Variants in DNM3 observed in about 807,000 individuals in gnomAD.
DNM3 encodes dynamin 3.
DNM3 carries 47 observed loss-of-function variants against 101.6 expected under a neutral mutation model. That is an observed-to-expected ratio of 0.46 (90% CI 0.37 to 0.59). The LOEUF (loss-of-function observed/expected upper bound fraction) is 0.59, where lower values mean the gene tolerates loss of function less well. DNM3 is among the 20% of genes least tolerant of loss of function. The probability of loss-of-function intolerance (pLI) is 0.00; values close to 1 mark genes in which losing one functional copy is unlikely to be tolerated. For synonymous variants in DNM3, 385 were observed against 387.9 expected (o/e 0.99, Z 0.09); for missense variants, 849 against 1,085.7 (o/e 0.78, Z 3.06).
At chr1:172,292,871 GA>G (rs896462453) in intron 15 of DNM3, among the ~76,000 whole-genome samples, 1 of 151,968 alleles carries the variant, frequency 6.6e-6, no homozygotes, top group Admixed American at 6.5e-5. Flanking sequence ...ATTAACATAT[GA>G]AAAAAAGTTT....
At position 171,970,170 on chromosome 1, in the gene DNM3, C is replaced by T. The variant is rs557495166; in HGVS notation, c.236-17486C>T. On this transcript the variant is annotated intron_variant, in intron 2 of 20. Coordinates refer to ENST00000627582, the MANE Select transcript of DNM3 (RefSeq NM_015569.5). ...TTTATCGATGGAATACTTTGAAGCACGAAAAATCATTATATCTTGAAATAA... is the reference window on the plus strand; with the variant it reads ...TTTATCGATGGAATACTTTGAAGCATGAAAAATCATTATATCTTGAAATAA... 3.3e-5 allele frequency: 20 copies of T among 601,328 alleles called. No homozygotes were observed. In the Admixed American group the frequency reaches 7.0e-4, roughly 21 times the overall value. 37.2% of individuals were successfully genotyped at this position (601,328 alleles called of 1,614,324 possible). A position where few individuals can be genotyped will look rare whatever the true frequency, so the allele number is the denominator to read the frequency against.
At chr1:172,279,560 C>T (rs781646501) in intron 15 of DNM3, among the ~76,000 whole-genome samples, 3 of 152,094 alleles carry the variant, frequency 2.0e-5, no homozygotes, top group Non-Finnish European at 4.4e-5. Flanking sequence ...CTCTTCTGGG[C>T]TTCAAATCTA....
intron 14 of DNM3, among the ~76,000 whole-genome samples, chr1:172,164,834 G>C (rs1321438432): frequency 2.1e-4 from 32 of 152,000 alleles, no homozygotes. Flanking sequence ...GGTTTTAAAG[G>C]ACCCTTTTTC....
intron 13 of DNM3, among the ~76,000 whole-genome samples, chr1:172,122,328 C>A (rs192226541): frequency 6.6e-6 from 1 of 152,068 alleles, no homozygotes; most frequent in Non-Finnish European, 1.5e-5. Context: ...AATCTAAATC[C>A]TTTACATATA....
intron 13 of DNM3, among the ~76,000 whole-genome samples, chr1:172,111,774 T>C (rs2055499130): frequency 6.6e-6 from 1 of 152,160 alleles, no homozygotes; most frequent in Non-Finnish European, 1.5e-5. Context: ...CCAGAGCTTC[T>C]TTATTTGTTA....
intron 4 of DNM3, among the ~76,000 whole-genome samples, chr1:172,030,002 G>T (rs12027260): frequency 1.3e-5 from 2 of 151,922 alleles, no homozygotes; most frequent in African/African-American, 2.4e-5. Flanking sequence ...TATAGATTCA[G>T]TGCTACCTCT....
chr1:172,191,014 A>G lies in DNM3; in HGVS notation c.1659+59726A>G, dbSNP rs550851234. Among the ~76,000 whole-genome samples the G allele has an allele frequency of 2.1e-3, 319 of 152,136 alleles. 1 individual carries two copies. Among genetic ancestry groups the G allele is most frequent in the Non-Finnish European group, 3.5e-3 (240 of 67,992 alleles). On this transcript the variant is annotated intron_variant, in intron 14 of 20. Transcript: ENST00000627582. ...TTCTTTTGCTGTGCAGAAGCTCTTT[A>G]GTTTAATTAGATCCCATTTGTCAAT...
chr1:171,962,157 C>T (rs1369677318), intron 2 of DNM3, among the ~76,000 whole-genome samples: 3 of 152,166 alleles, frequency 2.0e-5, no homozygotes, highest in Non-Finnish European at 4.4e-5. Context: ...ATCCATTAAT[C>T]CAAGAATGTA....
chr1:171,895,454 C>T (rs2037697361), intron 1 of DNM3, among the ~76,000 whole-genome samples: 1 of 152,188 alleles, frequency 6.6e-6, no homozygotes, highest in African/African-American at 2.4e-5. Context: ...AGTGTCTGTT[C>T]ATATCCTTTG....
intron 13 of DNM3, among the ~76,000 whole-genome samples, chr1:172,100,047 A>G (rs534732860): frequency 2.8e-4 from 43 of 152,222 alleles, no homozygotes; most frequent in African/African-American, 1.0e-3. Flanking sequence ...GTATAACTGG[A>G]AAGACTTTTT....
At chr1:172,071,506 G>T (rs947855569) in intron 11 of DNM3, among the ~76,000 whole-genome samples, 7 of 152,114 alleles carry the variant, frequency 4.6e-5, no homozygotes. Flanking sequence ...AAAGTATCCA[G>T]TTAGACAGAG....
At position 171,911,802 on chromosome 1, in the gene DNM3, T is replaced by C. The variant is rs982939070; in HGVS notation, c.162-9946T>C. 1.1e-4 allele frequency among the ~76,000 whole-genome samples: 16 copies of C among 152,186 alleles called. No homozygotes were observed. The South Asian group carries it at 3.3e-3, about 32-fold the overall frequency. On this transcript the variant is annotated intron_variant, in intron 1 of 20. Transcript: ENST00000627582. ...GACCAGAACTGCCCTGGTCAGCGGG[T>C]AAGTGTTCTCTTGCTGTTGCTTCTT...
At chr1:172,377,778 G>C (rs551515086) in intron 17 of DNM3, among the ~76,000 whole-genome samples, 223 of 151,678 alleles carry the variant, frequency 1.5e-3, no homozygotes, top group African/African-American at 3.5e-3. Flanking sequence ...GAAATGAGTT[G>C]AGCATGCATT....
chr1:172,162,542 T>G (rs981436463), intron 14 of DNM3, among the ~76,000 whole-genome samples: 2 of 152,090 alleles, frequency 1.3e-5, no homozygotes, highest in African/African-American at 4.8e-5. Context: ...TATGTATTTC[T>G]CCTGCTTTAA....
intron 14 of DNM3, among the ~76,000 whole-genome samples, chr1:172,191,503 T>C (rs1345376716): frequency 6.6e-6 from 1 of 152,208 alleles, no homozygotes; most frequent in Non-Finnish European, 1.5e-5. Context: ...ATGCGGGCTT[T>C]TTTTTGGTTC....
intron 2 of DNM3, among the ~76,000 whole-genome samples, chr1:171,948,730 C>T (rs1029648022): frequency 2.6e-5 from 4 of 152,080 alleles, no homozygotes; most frequent in Admixed American, 2.6e-4. Flanking sequence ...GGTAATCTGA[C>T]CAAAACACTA....
intron 15 of DNM3, among the ~76,000 whole-genome samples, chr1:172,269,299 C>T (rs1218342088): frequency 6.6e-6 from 1 of 152,182 alleles, no homozygotes; most frequent in African/African-American, 2.4e-5. Flanking sequence ...CCTCTCTCCA[C>T]CTATTTTCCG....
At chr1:172,218,608 A>G (rs2060791204) in intron 14 of DNM3, among the ~76,000 whole-genome samples, 1 of 152,098 alleles carries the variant, frequency 6.6e-6, no homozygotes, top group African/African-American at 2.4e-5. Context: ...TATACAAAAT[A>G]TTACCTTTAT....
intron 15 of DNM3, among the ~76,000 whole-genome samples, chr1:172,300,559 G>A (rs1380698033): frequency 2.0e-5 from 3 of 152,098 alleles, no homozygotes; most frequent in Non-Finnish European, 4.4e-5. Flanking sequence ...ATAAGCAATG[G>A]GGAAAGGACT....
Sources: allele counts gnomAD v4.1 joint callset (sites outside exome capture counted in the v4.1 genomes callset), GRCh38; gene constraint gnomAD v4.1.1; transcripts MANE v1.5; gene names NCBI Gene and HGNC (gene_info 2026-07-23, HGNC 2026-07-21).